USH2A: variants seen among roughly 807,000 people sequenced by gnomAD.
USH2A encodes the protein Usher syndrome 2A (autosomal recessive, mild).
Under a neutral mutation model 538.9 loss-of-function variants are expected in USH2A, and 443 were observed. The ratio of observed to expected loss-of-function variants is 0.82; its 90% confidence interval spans 0.76 to 0.89. The LOEUF (loss-of-function observed/expected upper bound fraction) is 0.89, where lower values mean the gene tolerates loss of function less well. Among genes scored for constraint, USH2A ranks in the 40% least tolerant of loss-of-function variants. The probability of loss-of-function intolerance (pLI) is 0.00; values close to 1 mark genes in which losing one functional copy is unlikely to be tolerated. For synonymous variants in USH2A, 2,413 were observed against 2,273.5 expected (o/e 1.06, Z -1.75); for missense variants, 6,633 against 6,324.8 (o/e 1.05, Z -1.65).
intron 41 of USH2A, among the ~76,000 whole-genome samples, chr1:215,882,857 G>A (rs1664951523): frequency 6.6e-6 from 1 of 152,012 alleles, no homozygotes; most frequent in Non-Finnish European, 1.5e-5. Flanking sequence ...ATTATTTTAT[G>A]CTAAAAATAA....
Position 215,970,746 on chromosome 1 carries a change from T to C in USH2A, c.6836A>G (p.Asp2279Gly), listed in dbSNP as rs747321764. 6.2e-7 allele frequency: 1 copy of C among 1,613,536 alleles called. No individual in the cohort carries two copies. Among genetic ancestry groups the C allele is most frequent in the Admixed American group, 1.7e-5 (1 of 59,950 alleles). ...GVITSYGLYL[D>G]GILIHNSSEL... ...TGAGGAATTGTGGATTAATATACCA[T>C]CTAGATATAATCCATAACTCGTGAT... The change falls in exon 36 of 72, where the codon GAT (aspartate) becomes GGT (glycine). Residue 2279 changes from aspartate (D) to glycine (G), a missense_variant. Physicochemically the swap from Asp to Gly is moderately conservative, Grantham distance 94. Coordinates refer to ENST00000307340, the MANE Select transcript of USH2A (RefSeq NM_206933.4).
intron 30 of USH2A, among the ~76,000 whole-genome samples, chr1:216,069,001 G>A (rs1481333246): frequency 1.3e-5 from 2 of 152,184 alleles, no homozygotes; most frequent in African/African-American, 4.8e-5. Flanking sequence ...AACGTGTATA[G>A]TTTGGAAAAA....
intron 4 of USH2A, among the ~76,000 whole-genome samples, chr1:216,357,171 A>G (rs2038405254): frequency 6.6e-6 from 1 of 152,086 alleles, no homozygotes; most frequent in African/African-American, 2.4e-5. Context: ...AGTATGGTTG[A>G]GAGAGCTACA....
intron 37 of USH2A, among the ~76,000 whole-genome samples, chr1:215,936,586 G>C (rs1478978879): frequency 6.6e-6 from 1 of 151,990 alleles, no homozygotes; most frequent in Non-Finnish European, 1.5e-5. Context: ...CATAATAGTT[G>C]CTCATAAACA....
intron 11 of USH2A, among the ~76,000 whole-genome samples, chr1:216,258,689 A>G (rs1010410446): frequency 1.3e-5 from 2 of 152,162 alleles, no homozygotes; most frequent in African/African-American, 2.4e-5. Flanking sequence ...TTTATTTCCT[A>G]TTTCTCAGCA....
intron 11 of USH2A, among the ~76,000 whole-genome samples, chr1:216,251,839 T>C (rs2036169859): frequency 6.6e-6 from 1 of 152,172 alleles, no homozygotes; most frequent in Non-Finnish European, 1.5e-5. Flanking sequence ...TCTATAATGA[T>C]ATAATGATAT....
At chr1:215,971,980 C>A (rs1448651438) in intron 35 of USH2A, among the ~76,000 whole-genome samples, 1 of 152,096 alleles carries the variant, frequency 6.6e-6, no homozygotes. Context: ...AGAGTGATTG[C>A]TATTGGTAAT....
rs757304247 is a variant in USH2A, at chr1:216,070,238, A to G, written c.5912T>C (p.Ile1971Thr). The G allele has an allele frequency of 7.4e-6, 12 of 1,613,990 alleles. No individual in the cohort carries two copies. The highest frequency in any genetic ancestry group is 1.0e-5 in the Non-Finnish European group (12 of 1,179,912). The change falls in exon 30 of 72, where the codon ATT becomes ACT. Residue 1971 changes from isoleucine (I) to threonine (T), a missense_variant. Transcript: ENST00000307340. ...AACAGGTTCATCCCAGGTCACCTCAATGCTGTATCCATTTAAGCTGCGGAC... is the reference window on the plus strand; with the variant it reads ...AACAGGTTCATCCCAGGTCACCTCAGTGCTGTATCCATTTAAGCTGCGGAC... The part of the protein sequence containing the change: ...SRVRSLNGYS[I>T]EVTWDEPVVR...
At chr1:216,338,978 A>C (rs78650492) in intron 4 of USH2A, among the ~76,000 whole-genome samples, 2,098 of 151,692 alleles carry the variant, frequency 0.014, 43 homozygotes, top group African/African-American at 0.047. Context: ...TCAAAATGGA[A>C]GATAAGAATA....
At chr1:215,667,337 G>A (rs1334033030) in intron 64 of USH2A, among the ~76,000 whole-genome samples, 1 of 152,146 alleles carries the variant, frequency 6.6e-6, no homozygotes, top group African/African-American at 2.4e-5. Context: ...AGTGACATTT[G>A]CTGCTCATTT....
At chr1:215,657,331 T>C (rs1657293432) in intron 64 of USH2A, among the ~76,000 whole-genome samples, 1 of 152,254 alleles carries the variant, frequency 6.6e-6, no homozygotes, top group East Asian at 1.9e-4. Context: ...AGCAATATGC[T>C]GAAATCTTCT....
chr1:216,275,704 T>C (rs922941516), intron 11 of USH2A, among the ~76,000 whole-genome samples: 1 of 152,158 alleles, frequency 6.6e-6, no homozygotes. Flanking sequence ...GGAATCTCTG[T>C]TATACATTAA....
intron 11 of USH2A, among the ~76,000 whole-genome samples, chr1:216,273,606 A>G (rs907646079): frequency 6.6e-6 from 1 of 152,074 alleles, no homozygotes; most frequent in African/African-American, 2.4e-5. Flanking sequence ...CTTGATATGC[A>G]CAGTGCCTGG....
chr1:215,892,583 C>A (rs938397341), intron 40 of USH2A, among the ~76,000 whole-genome samples: 1 of 151,912 alleles, frequency 6.6e-6, no homozygotes, highest in East Asian at 1.9e-4. Flanking sequence ...ATTATTTATA[C>A]CCCAACTACT....
At chr1:216,176,965 T>C (rs2034398767) in intron 20 of USH2A, among the ~76,000 whole-genome samples, 1 of 152,220 alleles carries the variant, frequency 6.6e-6, no homozygotes, top group African/African-American at 2.4e-5. Flanking sequence ...TGAAATATCC[T>C]GGTTGTTTCC....
At chr1:216,282,456 T>C (rs1466093184) in intron 11 of USH2A, among the ~76,000 whole-genome samples, 5 of 152,214 alleles carry the variant, frequency 3.3e-5, no homozygotes, top group African/African-American at 1.2e-4. Context: ...AAAACACAAT[T>C]GTCCCAGGAC....
chr1:215,728,281 C>T lies in USH2A; in HGVS notation c.11815G>A (p.Glu3939Lys), dbSNP rs146264950. ...GDTLRPFTLY[E>K]YRVRACNSKG... Reference sequence around the variant, plus strand: ...GAGTTACAGGCTCTGACCCGATATTCGTAGAGTGTGAAAGGCCTCAGGGTG... The same window carrying T: ...GAGTTACAGGCTCTGACCCGATATTTGTAGAGTGTGAAAGGCCTCAGGGTG... The change falls in exon 61 of 72, where the codon GAA becomes AAA. Residue 3939 changes from glutamate (E) to lysine (K), a missense_variant. Transcript: ENST00000307340. The T allele has an allele frequency of 4.0e-4, 641 of 1,614,098 alleles. 1 individual carries two copies. The highest frequency in any genetic ancestry group is 1.2e-3 in the Middle Eastern group (7 of 6,058).
At position 215,817,200 on chromosome 1, in the gene USH2A, AAC is replaced by A. The variant is rs2102796602; in HGVS notation, c.9372-7_9372-6del. 6.2e-7 allele frequency: 1 copy of A among 1,611,442 alleles called. No individual in the cohort carries two copies. The highest frequency in any genetic ancestry group is 8.5e-7 in the Non-Finnish European group (1 of 1,178,118). Reference sequence around the variant, plus strand: ...ACCCAATCAATTTGAAGAGATCTGCAACAGAGAGAATAATCAATACTTCTGAA... The same window carrying A: ...ACCCAATCAATTTGAAGAGATCTGCAAGAGAGAATAATCAATACTTCTGAA... On this transcript the variant is annotated splice_region_variant and splice_polypyrimidine_tract_variant and intron_variant, in intron 47 of 71. Coordinates refer to ENST00000307340, the MANE Select transcript of USH2A (RefSeq NM_206933.4).
rs79650052 is a variant in USH2A at position 215,802,412 on chromosome 1, A to T, written c.9740-3287T>A. On this transcript the variant is annotated intron_variant, in intron 49 of 71. Coordinates refer to ENST00000307340, the MANE Select transcript of USH2A (RefSeq NM_206933.4). ...AATGTATAAAGAACTTCTATAACTC[A>T]AAAACATGAAACAAAGACCTTATTT... Among the ~76,000 whole-genome samples, 1,036 of 152,228 alleles carry T rather than the reference A, an allele frequency of 6.8e-3. 5 individuals are homozygous for T. Among genetic ancestry groups the T allele is most frequent in the Non-Finnish European group, 0.01 (692 of 67,990 alleles).
Sources: gnomAD v4.1 joint callset for allele counts (sites outside exome capture counted in the v4.1 genomes callset) on GRCh38, gnomAD v4.1.1 for gene constraint, MANE v1.5 for transcripts, NCBI Gene and HGNC (gene_info 2026-07-23, HGNC 2026-07-21) for gene names.